NTHL1: variants seen among roughly 807,000 people sequenced by gnomAD.
NTHL1 encodes the protein nth like DNA glycosylase 1.
A neutral mutation model predicts 32.3 loss-of-function variants in NTHL1; 32 were observed. The observed-to-expected ratio is 0.99, with a 90% CI of 0.75 to 1.33. NTHL1 has a LOEUF of 1.33. Among genes scored for constraint, NTHL1 ranks in the 40% most tolerant of loss-of-function variants. The pLI, the probability that NTHL1 is intolerant of heterozygous loss-of-function variation, is 0.00. For synonymous variants in NTHL1, 188 were observed against 176.9 expected (o/e 1.06, Z -0.50); for missense variants, 501 against 414.1 (o/e 1.21, Z -1.82).
In NTHL1 at chr16:2,044,877, C is replaced by G. The variant is rs1340945384; in HGVS notation, c.355-77G>C. The G allele has an allele frequency of 6.8e-7, 1 of 1,467,398 alleles. No homozygotes were observed. Among genetic ancestry groups the G allele is most frequent in the South Asian group, 1.3e-5 (1 of 75,912 alleles). The allele number at this position is 1,467,398 out of a possible 1,614,324, so 90.9% of individuals were successfully genotyped here. ...CTGGCCAGGCTCCGCCCCCCGCCCT[C>G]GACACACCCTGGTTTGTTGCCCTGG... On this transcript the variant is annotated intron_variant, in intron 2 of 5. Coordinates refer to ENST00000651570, the MANE Select transcript of NTHL1 (RefSeq NM_002528.7). This position sits in a 1 kb window ranked among gnomAD's most constrained non-coding sequence, Gnocchi z 5.0.
At position 2,040,128 on chromosome 16, in the gene NTHL1, C is replaced by G; in HGVS notation, c.791+5G>C. On this transcript the variant is annotated splice_donor_5th_base_variant and intron_variant, in intron 5 of 5. Coordinates refer to ENST00000651570, the MANE Select transcript of NTHL1 (RefSeq NM_002528.7). ...CTCCCTAGGAAGCCCCCCACATACT[C>G]ATACCTAGGCAGCCACTCCTCCAGG... The G allele has an allele frequency of 1.2e-6, 2 of 1,613,520 alleles. No individual in the cohort carries two copies. The highest frequency in any genetic ancestry group is 2.2e-5 in the South Asian group (2 of 91,080).
chr16:2,040,375 A>G (rs535537460), intron 4 of NTHL1, 137 bp from the exon 5 acceptor site: 20 of 815,258 alleles, frequency 2.5e-5, no homozygotes, highest in Admixed American at 7.7e-5. Context: ...CCTGGCTGCA[A>G]GCCTACATGT....
intron 1 of NTHL1, 161 bp downstream of exon 1, chr16:2,047,548 G>A (rs1168048608): frequency 1.6e-6 from 2 of 1,222,958 alleles, no homozygotes; most frequent in Non-Finnish European, 2.2e-6. Context: ...TTGGGAAAAA[G>A]GCGCAAGGTG....
At chr16:2,041,792 T>C (rs2084271422) in intron 4 of NTHL1, among the ~76,000 whole-genome samples, 1 of 152,066 alleles carries the variant, frequency 6.6e-6, no homozygotes, top group Non-Finnish European at 1.5e-5. Flanking sequence ...TGTTTTTTAG[T>C]AGAGACGGGG....
At position 2,046,092 on chromosome 16, in the gene NTHL1, T is replaced by TG. The variant is rs3211971; in HGVS notation, c.354+35dup. 2.4e-3 allele frequency: 3,667 copies of TG among 1,549,580 alleles called. 82 individuals carry two copies. The African/African-American group carries it at 0.044, about 18-fold the overall frequency. ...AAAGAAAACAAGGACCTTGCTAAGATGGGGGGTCATCTGGGCAGATGGGGC... is the reference window on the plus strand; with the variant it reads ...AAAGAAAACAAGGACCTTGCTAAGATGGGGGGGTCATCTGGGCAGATGGGGC... On this transcript the variant is annotated intron_variant, in intron 2 of 5. Coordinates refer to ENST00000651570, the MANE Select transcript of NTHL1 (RefSeq NM_002528.7).
rs770964367 is a variant in NTHL1 at position 2,039,950 on chromosome 16, G to A, written c.889C>T (p.Leu297Phe). Residue 297 changes from leucine to phenylalanine, a missense_variant, in exon 6 of 6, where the codon CTC (leucine) becomes TTC (phenylalanine). Coordinates refer to ENST00000651570, the MANE Select transcript of NTHL1 (RefSeq NM_002528.7). ...CAGAGACCCTGGGCGGCCGGGCAGA[G>A]GGCTTGGTTGAGGCAGGCGTGGCAG... ...PRCHACLNQALCPAAQGL is the reference protein window; with the variant it reads ...PRCHACLNQAFCPAAQGL 1.2e-6 allele frequency: 2 copies of A among 1,605,920 alleles called. No homozygotes were observed. The highest frequency in any genetic ancestry group is 2.2e-5 in the East Asian group (1 of 44,874).
chr16:2,047,351 G>C, intron 1 of NTHL1: 1 of 326,144 alleles, frequency 3.1e-6, no homozygotes, highest in Admixed American at 4.9e-5. Flanking sequence ...TTCTGGCTGC[G>C]TGTGTCCTTG....
chr16:2,044,567 A>T lies in NTHL1; in HGVS notation c.525+63T>A, dbSNP rs2084314983. 2 of 1,590,874 alleles carry T rather than the reference A, an allele frequency of 1.3e-6. No homozygotes were observed. The highest frequency in any genetic ancestry group is 2.7e-5 in the African/African-American group (2 of 74,758). ...TTCCTGCACCGTCGCCACCCCCCTC[A>T]GCCTTCTGAGGTCTCTCTCAGGCCA... On this transcript the variant is annotated intron_variant, in intron 3 of 5. Coordinates refer to ENST00000651570, the MANE Select transcript of NTHL1 (RefSeq NM_002528.7). The surrounding 1 kb of genome is among the most constrained non-coding windows in gnomAD (Gnocchi z 5.0).
chr16:2,043,671 C>T lies in NTHL1; in HGVS notation c.581G>A (p.Gly194Glu). ...TSAILQQHYG[G>E]DIPASVAELV... ...CTCGGCCACAGAGGCTGGGATGTCCCCACCGTAGTGCTGCTGCAGGATGGC... is the reference window on the plus strand; with the variant it reads ...CTCGGCCACAGAGGCTGGGATGTCCTCACCGTAGTGCTGCTGCAGGATGGC... The change falls in exon 4 of 6, where the codon GGG becomes GAG. Residue 194 changes from glycine to glutamate, a missense_variant. Physicochemically the swap from Gly to Glu is moderately conservative, Grantham distance 98. Coordinates refer to ENST00000651570, the MANE Select transcript of NTHL1 (RefSeq NM_002528.7). This position sits in a 1 kb window ranked among gnomAD's most constrained non-coding sequence, Gnocchi z 4.4. 1.9e-6 allele frequency: 3 copies of T among 1,612,164 alleles called. No individual in the cohort carries two copies. The South Asian group carries it at 3.3e-5, about 18-fold the overall frequency.
At chr16:2,042,131 T>A (rs752506606) in intron 4 of NTHL1, 1 of 455,460 alleles carries the variant, frequency 2.2e-6, no homozygotes, top group Non-Finnish European at 4.4e-6. Flanking sequence ...TTGCAGGTGG[T>A]CAGGCCCACA....
At chr16:2,042,007 C>A in intron 4 of NTHL1, 1 of 455,684 alleles carries the variant, frequency 2.2e-6, no homozygotes, top group South Asian at 1.5e-5. Context: ...CATACCTCGG[C>A]CTTCCAAAGT....
Position 2,044,495 on chromosome 16 carries a change from G to T in NTHL1, c.525+135C>A. The T allele has an allele frequency of 1.7e-6, 2 of 1,148,378 alleles. No individual in the cohort carries two copies. Among genetic ancestry groups the T allele is most frequent in the East Asian group, 2.4e-5 (1 of 40,938 alleles). 71.1% of individuals were successfully genotyped at this position (1,148,378 alleles called of 1,614,324 possible). On this transcript the variant is annotated intron_variant, in intron 3 of 5. Coordinates refer to ENST00000651570, the MANE Select transcript of NTHL1 (RefSeq NM_002528.7). The surrounding 1 kb of genome is among the most constrained non-coding windows in gnomAD (Gnocchi z 5.0). ...CAGGCCTCAGGGCCCCACGGCCTGG[G>T]GGGGGCTTCAGGGGGACCCCCCGAG...
rs747408126 is a variant in NTHL1, at chr16:2,043,743, G to A, written c.526-17C>T. ...CACCTTGCTCTGAAAGACAGGGGTG[G>A]GTTCAGCCTTGGAGGCAAGGGCACA... On this transcript the variant is annotated splice_polypyrimidine_tract_variant and intron_variant, in intron 3 of 5. Coordinates refer to ENST00000651570, the MANE Select transcript of NTHL1 (RefSeq NM_002528.7). This position sits in a 1 kb window ranked among gnomAD's most constrained non-coding sequence, Gnocchi z 4.4. 4 of 1,610,500 alleles carry A rather than the reference G, an allele frequency of 2.5e-6. No individual in the cohort carries two copies. The South Asian group carries it at 4.4e-5, about 18-fold the overall frequency.
chr16:2,044,208 C>G lies in NTHL1; in HGVS notation c.525+422G>C, dbSNP rs762740492. On this transcript the variant is annotated intron_variant, in intron 3 of 5. Coordinates refer to ENST00000651570, the MANE Select transcript of NTHL1 (RefSeq NM_002528.7). The surrounding 1 kb of genome is among the most constrained non-coding windows in gnomAD (Gnocchi z 5.0). ...GCCAAGGGGAAGCGGCCCCACCCACCAAGCTGCTTTCAACAGATCCGCCCA... is the reference window on the plus strand; with the variant it reads ...GCCAAGGGGAAGCGGCCCCACCCACGAAGCTGCTTTCAACAGATCCGCCCA... 8.9e-5 allele frequency: 30 copies of G among 337,346 alleles called. No homozygotes were observed. The highest frequency in any genetic ancestry group is 1.7e-4 in the Non-Finnish European group (30 of 176,100). The allele number at this position is 337,346 out of a possible 1,614,324, so 20.9% of individuals were successfully genotyped here.
At chr16:2,047,646 G>C in intron 1 of NTHL1, 63 bp downstream of exon 1, 1 of 1,520,694 alleles carries the variant, frequency 6.6e-7, no homozygotes, top group Non-Finnish European at 8.8e-7. Context: ...GAGGCGGCCC[G>C]GGACTCCAGC....
At position 2,040,204 on chromosome 16, in the gene NTHL1, C is replaced by T. The variant is rs2084243484; in HGVS notation, c.720G>A (p.Arg240=). ...TGGTTGCCTTCTTGGTCCACCTCAG[C>T]CTGTTGGCGATTCTGTGCACATGCG... ...VDTHVHRIAN[R]LRWTKKATKS... Residue 240 remains arginine (R), a synonymous_variant, in exon 5 of 6, where the codon AGG becomes AGA. Transcript: ENST00000651570. 6.2e-7 allele frequency: 1 copy of T among 1,613,934 alleles called. No individual in the cohort carries two copies. Among genetic ancestry groups the T allele is most frequent in the Non-Finnish European group, 8.5e-7 (1 of 1,180,030 alleles).
chr16:2,040,112 A>T, intron 5 of NTHL1, 21 bp downstream of exon 5: 1 of 1,612,962 alleles, frequency 6.2e-7, no homozygotes, highest in Non-Finnish European at 8.5e-7. Flanking sequence ...TCTCCCTAGG[A>T]AGCCCCCCAC....
chr16:2,040,043 G>C lies in NTHL1; in HGVS notation c.796C>G (p.Leu266Val), dbSNP rs2084238678. ...AAGAGTCCATTGATCTCGTGCCACA[G>C]CTCCCTGTGGGGGTGGGGGCTGGGT... Reference protein sequence around the residue: ...AALEEWLPRELWHEINGLLVG... With the variant: ...AALEEWLPREVWHEINGLLVG... The change falls in exon 6 of 6, where the codon CTG (leucine) becomes GTG (valine). Residue 266 changes from leucine (L) to valine (V), a missense_variant. Physicochemically the swap from Leu to Val is conservative, Grantham distance 32. Coordinates refer to ENST00000651570, the MANE Select transcript of NTHL1 (RefSeq NM_002528.7). 6.2e-7 allele frequency: 1 copy of C among 1,612,464 alleles called. No homozygotes were observed. The highest frequency in any genetic ancestry group is 8.5e-7 in the Non-Finnish European group (1 of 1,179,998).
chr16:2,043,284 G>T lies in NTHL1; in HGVS notation c.685+283C>A, dbSNP rs563466428. 6.6e-6 allele frequency among the ~76,000 whole-genome samples: 1 copy of T among 152,052 alleles called. No individual in the cohort carries two copies. Among genetic ancestry groups the T allele is most frequent in the Non-Finnish European group, 1.5e-5 (1 of 68,008 alleles). On this transcript the variant is annotated intron_variant, in intron 4 of 5. Coordinates refer to ENST00000651570, the MANE Select transcript of NTHL1 (RefSeq NM_002528.7). The surrounding 1 kb of genome is among the most constrained non-coding windows in gnomAD (Gnocchi z 4.4). Reference sequence around the variant, plus strand: ...TCAGGGTTTCCACTCCACGAGTGGGGAATTCCTCGCTCCACATTTCTCCCG... The same window carrying T: ...TCAGGGTTTCCACTCCACGAGTGGGTAATTCCTCGCTCCACATTTCTCCCG...
Sources: allele counts gnomAD v4.1 joint callset (sites outside exome capture counted in the v4.1 genomes callset), GRCh38; gene constraint gnomAD v4.1.1; non-coding constraint Gnocchi (gnomAD v3.1); transcripts MANE v1.5; gene names NCBI Gene and HGNC (gene_info 2026-07-23, HGNC 2026-07-21).